Variants in CD163 observed in about 807,000 individuals in gnomAD.
CD163 encodes scavenger receptor cysteine-rich type 1 protein M130.
Under a neutral mutation model 129.2 loss-of-function variants are expected in CD163, and 64 were observed. The observed-to-expected ratio is 0.50, with a 90% CI of 0.41 to 0.61. The LOEUF is 0.61. CD163 is among the 20% of genes least tolerant of loss of function. CD163 has a pLI of 0.00. For missense variants in CD163, 1,061 were observed against 1,377.9 expected (o/e 0.77, Z 3.64); for synonymous variants, 446 against 478.5 (o/e 0.93, Z 0.89).
At chr12:7,478,361 T>C (rs1262990592) in intron 16 of CD163, among the ~76,000 whole-genome samples, 1 of 152,202 alleles carries the variant, frequency 6.6e-6, no homozygotes, top group African/African-American at 2.4e-5. Flanking sequence ...TTCCCGCCAG[T>C]AATAAATATT....
intron 10 of CD163, 37 bp downstream of exon 10, chr12:7,486,462 T>A: frequency 6.4e-7 from 1 of 1,567,830 alleles, no homozygotes; most frequent in Non-Finnish European, 8.7e-7. Context: ...GTCCTTTCTC[T>A]ATGTAATTAT....
chr12:7,480,944 A>G (rs1031906299), intron 15 of CD163: 14 of 1,239,550 alleles, frequency 1.1e-5, no homozygotes, highest in Non-Finnish European at 2.0e-6. Flanking sequence ...CTCTATCAGG[A>G]ATAATCACAG....
chr12:7,487,246 T>C lies in CD163; in HGVS notation c.2050+113A>G. ...GTTAATATTCTGAAGCATGAATTAGTATTCATTCTTCTCATGACCCTTCAA... is the reference window on the plus strand; with the variant it reads ...GTTAATATTCTGAAGCATGAATTAGCATTCATTCTTCTCATGACCCTTCAA... On this transcript the variant is annotated intron_variant, in intron 8 of 16. Coordinates refer to ENST00000432237, the MANE Select transcript of CD163 (RefSeq NM_203416.4). This position sits in a 1 kb window ranked among gnomAD's most constrained non-coding sequence, Gnocchi z 5.1. 2 of 1,146,922 alleles carry C rather than the reference T, an allele frequency of 1.7e-6. No homozygotes were observed. Among genetic ancestry groups the C allele is most frequent in the Non-Finnish European group, 2.4e-6 (2 of 826,646 alleles). 71.0% of individuals were successfully genotyped at this position (1,146,922 alleles called of 1,614,324 possible).
Position 7,499,294 on chromosome 12 carries a change from G to T in CD163, c.458-106C>A. Reference sequence around the variant, plus strand: ...TGGGATTTTATGTTGTCCTTAAAATGGTGCCTGATTTTGGACATTGCCCAG... The same window carrying T: ...TGGGATTTTATGTTGTCCTTAAAATTGTGCCTGATTTTGGACATTGCCCAG... On this transcript the variant is annotated intron_variant, in intron 3 of 16. Coordinates refer to ENST00000432237, the MANE Select transcript of CD163 (RefSeq NM_203416.4). 3 of 982,680 alleles carry T rather than the reference G, an allele frequency of 3.1e-6. No homozygotes were observed. The South Asian group carries it at 4.9e-5, about 16-fold the overall frequency. 60.9% of individuals were successfully genotyped at this position (982,680 alleles called of 1,614,324 possible). A position where few individuals can be genotyped will look rare whatever the true frequency, so the allele number is the denominator to read the frequency against.
chr12:7,493,668 T>C lies in CD163; in HGVS notation c.1420+1413A>G, dbSNP rs997842282. Among the ~76,000 whole-genome samples the C allele has an allele frequency of 2.6e-5, 4 of 152,232 alleles. No individual in the cohort carries two copies. The South Asian group carries it at 8.3e-4, about 32-fold the overall frequency. On this transcript the variant is annotated intron_variant, in intron 6 of 16. Transcript: ENST00000432237. Reference sequence around the variant, plus strand: ...AGGAAAATCTATAACCTAAAATATTTATATTAGTAAATCAGAAGAAATAAA... The same window carrying C: ...AGGAAAATCTATAACCTAAAATATTCATATTAGTAAATCAGAAGAAATAAA...
At chr12:7,491,597 ATAAT>A (rs1466207974) in intron 6 of CD163, among the ~76,000 whole-genome samples, 3 of 152,096 alleles carry the variant, frequency 2.0e-5, no homozygotes, top group Non-Finnish European at 4.4e-5. Context: ...GAGCTTTAAC[ATAAT>A]TAGAGACATA....
rs1039285721 is a variant in CD163 at position 7,482,727 on chromosome 12, C to T, written c.3163G>A (p.Gly1055Arg). ...GCCAACAGAACAACCCCAAGGATCC[C>T]GACTGCAATAAAGGATGACTGACGG... The part of the protein sequence containing the change: ...SSRQSSFIAV[G>R]ILGVVLLAIF... The change falls in exon 14 of 17, where the codon GGG (glycine) becomes AGG (arginine). Residue 1055 changes from glycine (G) to arginine (R), a missense_variant. Physicochemically the swap from Gly to Arg is moderately radical, Grantham distance 125. Coordinates refer to ENST00000432237, the MANE Select transcript of CD163 (RefSeq NM_203416.4). 3.1e-6 allele frequency: 5 copies of T among 1,613,806 alleles called. No individual in the cohort carries two copies. The highest frequency in any genetic ancestry group is 2.2e-5 in the East Asian group (1 of 44,874).
intron 14 of CD163, among the ~76,000 whole-genome samples, chr12:7,482,152 C>T (rs1429675601): frequency 6.6e-6 from 1 of 152,154 alleles, no homozygotes; most frequent in East Asian, 1.9e-4. Flanking sequence ...GAGCCTAATA[C>T]ATTGCTCAAC....
At chr12:7,478,355 C>A (rs759791572) in intron 16 of CD163, among the ~76,000 whole-genome samples, 1 of 152,040 alleles carries the variant, frequency 6.6e-6, no homozygotes. Flanking sequence ...TCTGTATTCC[C>A]GCCAGTAATA....
chr12:7,480,092 G>T, intron 15 of CD163, 179 bp from the exon 16 acceptor site: 1 of 1,131,144 alleles, frequency 8.8e-7, no homozygotes, highest in Non-Finnish European at 1.2e-6. Context: ...CCCATAACTA[G>T]GAAGAAAAGC....
Position 7,483,005 on chromosome 12 carries a change from C to G in CD163, c.3089-1G>C. Reference sequence around the variant, plus strand: ...TGTGGGGTTTTCTGCACTGAAATATCTGTAGGAGAAAAGAAAGAGAGAGGG... The same window carrying G: ...TGTGGGGTTTTCTGCACTGAAATATGTGTAGGAGAAAAGAAAGAGAGAGGG... On this transcript the variant is annotated splice_acceptor_variant, in intron 12 of 16. Coordinates refer to ENST00000432237, the MANE Select transcript of CD163 (RefSeq NM_203416.4). LOFTEE classifies it high-confidence loss of function. 1 of 1,613,392 alleles carries G rather than the reference C, an allele frequency of 6.2e-7. No homozygotes were observed. Among genetic ancestry groups the G allele is most frequent in the Non-Finnish European group, 8.5e-7 (1 of 1,179,680 alleles).
At chr12:7,471,803 G>A (rs1019226107) in intron 16 of CD163, 4 of 152,222 alleles carry the variant, frequency 2.6e-5, no homozygotes, top group Non-Finnish European at 4.4e-5. Context: ...CTCACTCAGC[G>A]GGTCCCACTC....
intron 1 of CD163, 149 bp downstream of exon 1, chr12:7,503,496 C>T (rs1949521271): frequency 2.2e-6 from 1 of 457,422 alleles, no homozygotes; most frequent in South Asian, 5.4e-5. Context: ...GAATCTATGG[C>T]AGATCAAAGG....
chr12:7,499,073 A>T lies in CD163; in HGVS notation c.573T>A (p.Asp191Glu), dbSNP rs746176759. Residue 191 changes from aspartate (D) to glutamate (E), a missense_variant, in exon 4 of 17, where the codon GAT becomes GAA. Coordinates refer to ENST00000432237, the MANE Select transcript of CD163 (RefSeq NM_203416.4). ...GTTGTCTACAAATGACAGATGCATG[A>T]TCTATGTTGAAGTTATCATCACACA... is the stretch of plus-strand genomic sequence containing the variant. ...GTVCDDNFNI[D>E]HASVICRQLE... The T allele has an allele frequency of 6.2e-7, 1 of 1,614,166 alleles. No homozygotes were observed. The highest frequency in any genetic ancestry group is 8.5e-7 in the Non-Finnish European group (1 of 1,180,002).
intron 4 of CD163, 65 bp from the exon 5 acceptor site, chr12:7,497,198 T>A (rs755309862): frequency 1.7e-6 from 2 of 1,211,418 alleles, no homozygotes; most frequent in Non-Finnish European, 2.4e-6. Context: ...TAAATAGCTA[T>A]ACCTGAGATG....
intron 10 of CD163, among the ~76,000 whole-genome samples, 188 bp downstream of exon 10, chr12:7,486,311 C>T (rs1329974606): frequency 6.6e-6 from 1 of 152,142 alleles, no homozygotes; most frequent in East Asian, 1.9e-4. Context: ...TTTCTCTTTA[C>T]AATGTTGCAC....
Position 7,485,389 on chromosome 12 carries a change from T to C in CD163, c.2486A>G (p.Glu829Gly), listed in dbSNP as rs1225559507. 5 of 1,614,116 alleles carry C rather than the reference T, an allele frequency of 3.1e-6. No homozygotes were observed. The highest frequency in any genetic ancestry group is 3.4e-6 in the Non-Finnish European group (4 of 1,179,954). Reference protein sequence around the residue: ...SEFMSLRLTSEASREACAGRL... With the variant: ...SEFMSLRLTSGASREACAGRL... The stretch of plus-strand genomic sequence containing the variant: ...CCCTGCACAGGCCTCTCTGCTGGCT[T>C]CACTGGTCAGTCTCAGAGACATGAA... Residue 829 changes from glutamate (E) to glycine (G), a missense_variant, in exon 11 of 17, where the codon GAA becomes GGA. By Grantham distance (98) the Glu-to-Gly change is moderately conservative. Transcript: ENST00000432237. This position sits in a 1 kb window ranked among gnomAD's most constrained non-coding sequence, Gnocchi z 4.5.
At chr12:7,486,031 C>A (rs966045566) in intron 10 of CD163, among the ~76,000 whole-genome samples, 1 of 152,160 alleles carries the variant, frequency 6.6e-6, no homozygotes, top group Admixed American at 6.6e-5. Flanking sequence ...AGGGCAGTAA[C>A]CTCATGCTAC....
intron 16 of CD163, among the ~76,000 whole-genome samples, chr12:7,471,606 T>C (rs1949005999): frequency 1.5e-5 from 2 of 136,690 alleles, no homozygotes; most frequent in African/African-American, 2.5e-5. Flanking sequence ...ATGCCATTTA[T>C]AGGAGCTGGC....
Sources: gnomAD v4.1 joint callset for allele counts (sites outside exome capture counted in the v4.1 genomes callset) on GRCh38, gnomAD v4.1.1 for gene constraint, Gnocchi (gnomAD v3.1) non-coding constraint, MANE v1.5 for transcripts, NCBI Gene and HGNC (gene_info 2026-07-23, HGNC 2026-07-21) for gene names.